The following PLCB1 variants were observed in gnomAD, a reference collection of about 807,000 sequenced individuals.
The protein encoded by PLCB1 is 1-phosphatidylinositol 4,5-bisphosphate phosphodiesterase beta-1.
PLCB1 carries 46 observed loss-of-function variants against 161.8 expected under a neutral mutation model. That is an observed-to-expected ratio of 0.28 (90% CI 0.22 to 0.36). The LOEUF is 0.36. PLCB1 is among the 10% of genes least tolerant of loss of function. PLCB1 has a pLI of 1.00. For synonymous variants in PLCB1, 517 were observed against 503.7 expected (o/e 1.03, Z -0.35); for missense variants, 1,016 against 1,472.5 (o/e 0.69, Z 5.07).
chr20:8,817,948 G>A lies in PLCB1; in HGVS notation c.3423+27687G>A, dbSNP rs905837086. On this transcript the variant is annotated intron_variant, in intron 31 of 31. Transcript: ENST00000338037. The stretch of plus-strand genomic sequence containing the variant: ...GTGAAAAATATATTTAAAATGCAAT[G>A]CATAGTTATAGCAACAGAAAGAGAA... 9.2e-5 allele frequency among the ~76,000 whole-genome samples: 14 copies of A among 152,288 alleles called. No individual in the cohort carries two copies. The South Asian group carries it at 2.7e-3, about 29-fold the overall frequency.
At chr20:8,150,012 C>A (rs567926221) in intron 1 of PLCB1, among the ~76,000 whole-genome samples, 6 of 151,786 alleles carry the variant, frequency 4.0e-5, no homozygotes, top group Non-Finnish European at 7.4e-5. Context: ...ATTTGAAAAG[C>A]TAAATATAGA....
At chr20:8,420,530 C>T (rs1568669240) in intron 3 of PLCB1, among the ~76,000 whole-genome samples, 1 of 152,236 alleles carries the variant, frequency 6.6e-6, no homozygotes, top group East Asian at 1.9e-4. Flanking sequence ...ACCTTAACTC[C>T]CCACCCTCTT....
Position 8,636,192 on chromosome 20 carries a change from C to G in PLCB1, c.384+7761C>G, listed in dbSNP as rs1348569475. Among the ~76,000 whole-genome samples the G allele has an allele frequency of 3.3e-5, 5 of 152,192 alleles. No homozygotes were observed. In the East Asian group the frequency reaches 7.7e-4, roughly 24 times the overall value. On this transcript the variant is annotated intron_variant, in intron 4 of 31. Transcript: ENST00000338037. ...GGTAGAATACATGTGCCAAAAAGATCACTGTTTGCAAACATGAAAAGTTAG... is the reference window on the plus strand; with the variant it reads ...GGTAGAATACATGTGCCAAAAAGATGACTGTTTGCAAACATGAAAAGTTAG...
chr20:8,767,316 C>G (rs1439109297), intron 26 of PLCB1, among the ~76,000 whole-genome samples: 1 of 152,134 alleles, frequency 6.6e-6, no homozygotes, highest in Non-Finnish European at 1.5e-5. Flanking sequence ...CACAGACTTT[C>G]CACTGATGGG....
chr20:8,820,106 G>GTT (rs1192793938), intron 31 of PLCB1, among the ~76,000 whole-genome samples: 3 of 140,194 alleles, frequency 2.1e-5, no homozygotes, highest in African/African-American at 5.2e-5. Flanking sequence ...TTTTATTTAT[G>GTT]TTTTTTTTTT....
intron 2 of PLCB1, among the ~76,000 whole-genome samples, chr20:8,315,743 C>T (rs927162455): frequency 4.6e-5 from 7 of 152,036 alleles, no homozygotes; most frequent in Non-Finnish European, 7.4e-5. Context: ...TGCCCCAAGA[C>T]AGCCAGCCAA....
chr20:8,159,453 G>T (rs1158893805), intron 2 of PLCB1, among the ~76,000 whole-genome samples: 1 of 152,130 alleles, frequency 6.6e-6, no homozygotes, highest in Non-Finnish European at 1.5e-5. Flanking sequence ...GGGCTGCCAT[G>T]AAGACATCTG....
chr20:8,295,887 T>C (rs529282007), intron 2 of PLCB1, among the ~76,000 whole-genome samples: 8 of 152,020 alleles, frequency 5.3e-5, no homozygotes, highest in African/African-American at 1.9e-4. Flanking sequence ...TTTTTTTCTA[T>C]TTTTTTGTAG....
intron 31 of PLCB1, among the ~76,000 whole-genome samples, chr20:8,840,870 G>A (rs6140747): frequency 0.32 from 48,602 of 151,848 alleles, 8,754 homozygotes; most frequent in East Asian, 0.63. Flanking sequence ...CAGCTGGAGT[G>A]CAGTGGTGCG....
At chr20:8,303,771 C>T (rs548098282) in intron 2 of PLCB1, among the ~76,000 whole-genome samples, 6 of 152,262 alleles carry the variant, frequency 3.9e-5, no homozygotes, top group South Asian at 2.1e-4. Flanking sequence ...TAGCTGAGAA[C>T]GACAGGGGGC....
intron 3 of PLCB1, among the ~76,000 whole-genome samples, chr20:8,492,707 C>G (rs985269464): frequency 1.3e-5 from 2 of 151,998 alleles, no homozygotes; most frequent in Non-Finnish European, 2.9e-5. Flanking sequence ...CTAAGAGTAT[C>G]TGTCTGGGAA....
chr20:8,379,170 C>G (rs2122378410), intron 3 of PLCB1, among the ~76,000 whole-genome samples: 2 of 151,602 alleles, frequency 1.3e-5, no homozygotes, highest in Middle Eastern at 3.4e-3. Context: ...TCTCATTGTT[C>G]AACTCCCACT....
intron 12 of PLCB1, among the ~76,000 whole-genome samples, chr20:8,713,892 C>T (rs1391969964): frequency 6.6e-6 from 1 of 152,088 alleles, no homozygotes; most frequent in Non-Finnish European, 1.5e-5. Context: ...GATTTGGGGA[C>T]TTCCTGACAG....
rs182472703 is a variant in PLCB1 at position 8,770,245 on chromosome 20, C to T, written c.2931-4294C>T. On this transcript the variant is annotated intron_variant, in intron 26 of 31. Coordinates refer to ENST00000338037, the MANE Select transcript of PLCB1 (RefSeq NM_015192.4). The stretch of plus-strand genomic sequence containing the variant: ...GGGATTACAGGCGTGAGCCACCACG[C>T]CCAGCCAAAATCATCATTTCTTAAG... 3.0e-3 allele frequency among the ~76,000 whole-genome samples: 454 copies of T among 152,324 alleles called. 3 individuals are homozygous for T. The highest frequency in any genetic ancestry group is 9.6e-3 in the African/African-American group (400 of 41,572).
intron 10 of PLCB1, among the ~76,000 whole-genome samples, chr20:8,691,575 T>G: frequency 6.6e-6 from 1 of 152,150 alleles, no homozygotes; most frequent in Non-Finnish European, 1.5e-5. Flanking sequence ...TGGAGCATTT[T>G]AAGGACTAAT....
At chr20:8,229,288 T>C (rs1440095007) in intron 2 of PLCB1, among the ~76,000 whole-genome samples, 1 of 152,100 alleles carries the variant, frequency 6.6e-6, no homozygotes, top group Non-Finnish European at 1.5e-5. Context: ...TAAAACATTA[T>C]TTTAAAAATT....
chr20:8,548,227 T>C (rs6086497), intron 3 of PLCB1, among the ~76,000 whole-genome samples: 7 of 104,318 alleles, frequency 6.7e-5, no homozygotes, highest in Non-Finnish European at 1.1e-4. Context: ...CCTTCCTTCC[T>C]TCCCTCCCTC....
intron 31 of PLCB1, among the ~76,000 whole-genome samples, chr20:8,875,205 T>A (rs552254887): frequency 3.0e-4 from 46 of 151,044 alleles, no homozygotes; most frequent in African/African-American, 1.1e-3. Context: ...TTCATCTAGA[T>A]AAAGATATCT....
At chr20:8,707,511 G>A (rs7267321) in intron 11 of PLCB1, among the ~76,000 whole-genome samples, 4,018 of 152,220 alleles carry the variant, frequency 0.026, 159 homozygotes, top group African/African-American at 0.091. Context: ...TAAGAATAAT[G>A]CCCAAAACTG....
Sources: allele counts gnomAD v4.1 joint callset (sites outside exome capture counted in the v4.1 genomes callset), GRCh38; gene constraint gnomAD v4.1.1; transcripts MANE v1.5; gene names NCBI Gene and HGNC (gene_info 2026-07-23, HGNC 2026-07-21).